The following REG1A variants were observed in gnomAD, a reference collection of about 807,000 sequenced individuals.
REG1A encodes regenerating family member 1 alpha.
A neutral mutation model predicts 20.7 loss-of-function variants in REG1A; 20 were observed. That is an observed-to-expected ratio of 0.97 (90% confidence interval 0.68 to 1.41). REG1A has a LOEUF of 1.41. Ranked by LOEUF, REG1A falls within the 40% of genes most tolerant of loss-of-function variation. The pLI is 0.00. For missense variants in REG1A, 193 were observed against 201.8 expected (o/e 0.96, Z 0.26); for synonymous variants, 90 against 71.6 (o/e 1.26, Z -1.30).
At chr2:79,122,330 T>C in intron 4 of REG1A, 1 of 547,896 alleles carries the variant, frequency 1.8e-6, no homozygotes, top group Non-Finnish European at 3.2e-6. Context: ...TTCTTGTCAT[T>C]CATGAATAAA....
In REG1A at chr2:79,120,781, T is replaced by A. The variant is rs572530340; in HGVS notation, c.-46-35T>A. ...AAGGTAATAGGTGCTTTGCTCTCCA[T>A]CTCTCAGAACCCCCTTCTCTGTGTT... is the stretch of plus-strand genomic sequence containing the variant. On this transcript the variant is annotated intron_variant, in intron 1 of 5. Transcript: ENST00000233735. 6 of 1,148,378 alleles carry A rather than the reference T, an allele frequency of 5.2e-6. No homozygotes were observed. In the South Asian group the frequency reaches 1.1e-4, roughly 20 times the overall value. 71.1% of individuals were successfully genotyped at this position (1,148,378 alleles called of 1,614,324 possible).
intron 1 of REG1A, 69 bp from the exon 2 acceptor site, chr2:79,120,747 G>C: frequency 1.4e-6 from 1 of 696,016 alleles, no homozygotes; most frequent in Non-Finnish European, 2.2e-6. Context: ...CTGAGAGGAG[G>C]TTTTAAGGAA....
In REG1A at chr2:79,122,759, G is replaced by C. The variant is rs1672905996; in HGVS notation, c.322-82G>C. The C allele has an allele frequency of 5.6e-6, 5 of 899,324 alleles. No individual in the cohort carries two copies. In the South Asian group the frequency reaches 6.9e-5, roughly 12 times the overall value. 55.7% of individuals were successfully genotyped at this position (899,324 alleles called of 1,614,324 possible). A position where few individuals can be genotyped will look rare whatever the true frequency, so the allele number is the denominator to read the frequency against. On this transcript the variant is annotated intron_variant, in intron 4 of 5. Coordinates refer to ENST00000233735, the MANE Select transcript of REG1A (RefSeq NM_002909.5). ...TTATTCTTCCTTTGTGTCTTAGCAT[G>C]TTTCTGAGTGTGCACACAGGCCCAG...
At position 79,120,830 on chromosome 2, in the gene REG1A, C is replaced by A; in HGVS notation, c.-32C>A. 1 of 1,567,868 alleles carries A rather than the reference C, an allele frequency of 6.4e-7. No homozygotes were observed. The highest frequency in any genetic ancestry group is 8.7e-7 in the Non-Finnish European group (1 of 1,146,114). On this transcript the variant is annotated 5_prime_UTR_variant, in exon 2 of 6. Transcript: ENST00000233735. ...TTCTCCTATAGAGATTGTTGATTTG[C>A]CTCTTAAGCAAGAGATTCATTGCAG...
rs374600688 is a variant in REG1A, at chr2:79,121,683, G to A, written c.183+3G>A. ...GTGAGACCTGGGTTGATGCAGATGTGAGTGAGGAGAGCAGTGTGGGAAGGG... is the reference window on the plus strand; with the variant it reads ...GTGAGACCTGGGTTGATGCAGATGTAAGTGAGGAGAGCAGTGTGGGAAGGG... On this transcript the variant is annotated splice_donor_region_variant and intron_variant, in intron 3 of 5. Transcript: ENST00000233735. 5.5e-5 allele frequency: 89 copies of A among 1,612,576 alleles called. 1 individual carries two copies. The African/African-American group carries it at 9.7e-4, about 18-fold the overall frequency.
In REG1A at chr2:79,123,324, G is replaced by C. The variant is rs1672916406; in HGVS notation, c.*109G>C. The C allele has an allele frequency of 4.7e-6, 3 of 639,056 alleles. No homozygotes were observed. The highest frequency in any genetic ancestry group is 5.8e-5 in the Admixed American group (2 of 34,692). The allele number at this position is 639,056 out of a possible 1,614,324, so 39.6% of individuals were successfully genotyped here. ...ACTCAACCTGGACACTCTCTTCTCT[G>C]CTGAGTTTGCCTTGTTAATCTTCAA... On this transcript the variant is annotated 3_prime_UTR_variant, in exon 6 of 6. Coordinates refer to ENST00000233735, the MANE Select transcript of REG1A (RefSeq NM_002909.5).
chr2:79,120,858 C>T lies in REG1A; in HGVS notation c.-4C>T. ...CTTAAGCAAGAGATTCATTGCAGCTCAGCATGGCTCAGACCAGCTCATACT... is the reference window on the plus strand; with the variant it reads ...CTTAAGCAAGAGATTCATTGCAGCTTAGCATGGCTCAGACCAGCTCATACT... On this transcript the variant is annotated 5_prime_UTR_variant, in exon 2 of 6. Coordinates refer to ENST00000233735, the MANE Select transcript of REG1A (RefSeq NM_002909.5). 6.2e-7 allele frequency: 1 copy of T among 1,606,166 alleles called. No homozygotes were observed. The highest frequency in any genetic ancestry group is 1.1e-5 in the South Asian group (1 of 90,202).
chr2:79,121,744 G>C (rs1672889270), intron 3 of REG1A, 64 bp downstream of exon 3: 11 of 1,466,782 alleles, frequency 7.5e-6, no homozygotes, highest in East Asian at 4.5e-5. Flanking sequence ...CCACTCTCCA[G>C]TGTGTTCAGT....
Position 79,120,921 on chromosome 2 carries a change from C to G in REG1A, c.60C>G (p.Ser20Arg). ...LISCLMFLSQ[S>R]QGQEAQTELP... The stretch of plus-strand genomic sequence containing the variant: ...CCTGCCTGATGTTTCTGTCTCAGAG[C>G]CAAGGTAAGATCTCTTTTCCACCAA... Residue 20 changes from serine (S) to arginine (R), a missense_variant, in exon 2 of 6, where the codon AGC becomes AGG. Transcript: ENST00000233735. The G allele has an allele frequency of 6.2e-7, 1 of 1,612,288 alleles. No homozygotes were observed. Among genetic ancestry groups the G allele is most frequent in the Non-Finnish European group, 8.5e-7 (1 of 1,179,108 alleles).
At chr2:79,120,986 A>T in intron 2 of REG1A, 61 bp downstream of exon 2, 1 of 1,306,966 alleles carries the variant, frequency 7.7e-7, no homozygotes, top group Non-Finnish European at 1.1e-6. Context: ...TCTATCCCCA[A>T]GCATACGGGT....
rs762239228 is a variant in REG1A, at chr2:79,122,134, C to T, written c.321+9C>T. On this transcript the variant is annotated intron_variant, in intron 4 of 5. Coordinates refer to ENST00000233735, the MANE Select transcript of REG1A (RefSeq NM_002909.5). Reference sequence around the variant, plus strand: ...TCCATGACCCCAAAAAGGTAGGCTGCAGCCTTCTTTATCTCCTAATGATCA... The same window carrying T: ...TCCATGACCCCAAAAAGGTAGGCTGTAGCCTTCTTTATCTCCTAATGATCA... The T allele has an allele frequency of 8.1e-6, 13 of 1,613,430 alleles. No homozygotes were observed. The highest frequency in any genetic ancestry group is 1.7e-4 in the Middle Eastern group (1 of 6,050).
In REG1A at chr2:79,121,866, CA is replaced by C. The variant is rs896576716; in HGVS notation, c.184-121del. 8.4e-6 allele frequency: 12 copies of C among 1,426,156 alleles called. No individual in the cohort carries two copies. In the African/African-American group the frequency reaches 1.7e-4, roughly 20 times the overall value. The allele number at this position is 1,426,156 out of a possible 1,614,324, so 88.3% of individuals were successfully genotyped here. On this transcript the variant is annotated intron_variant, in intron 3 of 5. Coordinates refer to ENST00000233735, the MANE Select transcript of REG1A (RefSeq NM_002909.5). ...TTCCCAGCACAAAGAACCTGGTGGT[CA>C]GTGACAGCATCATCACGGACATTAC...
At chr2:79,122,698 C>A in intron 4 of REG1A, 143 bp from the exon 5 acceptor site, 2 of 658,860 alleles carry the variant, frequency 3.0e-6, no homozygotes, top group Non-Finnish European at 5.4e-6. Flanking sequence ...AAGTTTAGAG[C>A]AATAGCAAAG....
Position 79,122,135 on chromosome 2 carries a change from A to C in REG1A, c.321+10A>C, listed in dbSNP as rs768045378. The C allele has an allele frequency of 3.7e-6, 6 of 1,613,532 alleles. No homozygotes were observed. Among genetic ancestry groups the C allele is most frequent in the Non-Finnish European group, 5.1e-6 (6 of 1,179,724 alleles). ...CCATGACCCCAAAAAGGTAGGCTGC[A>C]GCCTTCTTTATCTCCTAATGATCAG... On this transcript the variant is annotated intron_variant, in intron 4 of 5. Transcript: ENST00000233735.
chr2:79,121,743 A>G, intron 3 of REG1A, 63 bp downstream of exon 3: 1 of 1,474,716 alleles, frequency 6.8e-7, no homozygotes, highest in Non-Finnish European at 9.5e-7. Context: ...GCCACTCTCC[A>G]GTGTGTTCAG....
intron 4 of REG1A, 25 bp downstream of exon 4, chr2:79,122,150 C>T: frequency 6.2e-7 from 1 of 1,612,080 alleles, no homozygotes; most frequent in Non-Finnish European, 8.5e-7. Flanking sequence ...TCTTTATCTC[C>T]TAATGATCAG....
chr2:79,120,874 A>AGCAT lies in REG1A; in HGVS notation c.15_16insATGC (p.Ser6MetfsTer47). 1 of 1,613,184 alleles carries AGCAT rather than the reference A, an allele frequency of 6.2e-7. No homozygotes were observed. Among genetic ancestry groups the AGCAT allele is most frequent in the Non-Finnish European group, 8.5e-7 (1 of 1,179,412 alleles). ...ATTGCAGCTCAGCATGGCTCAGACC[A>AGCAT]GCTCATACTTCATGCTGATCTCCTG... On this transcript the variant is annotated frameshift_variant, in exon 2 of 6. Transcript: ENST00000233735. LOFTEE classifies it high-confidence loss of function.
intron 2 of REG1A, among the ~76,000 whole-genome samples, chr2:79,121,299 A>G (rs1485714751): frequency 1.3e-5 from 2 of 152,216 alleles, no homozygotes; most frequent in Non-Finnish European, 2.9e-5. Flanking sequence ...TAGAAGGCTG[A>G]GTCCTTCAAG....
In REG1A at chr2:79,121,664, C is replaced by T. The variant is rs754940955; in HGVS notation, c.167C>T (p.Thr56Ile). The T allele has an allele frequency of 4.3e-6, 7 of 1,613,976 alleles. No individual in the cohort carries two copies. The highest frequency in any genetic ancestry group is 5.9e-6 in the Non-Finnish European group (7 of 1,179,950). Residue 56 changes from threonine (T) to isoleucine (I), a missense_variant, in exon 3 of 6, where the codon ACC becomes ATC. Coordinates refer to ENST00000233735, the MANE Select transcript of REG1A (RefSeq NM_002909.5). The stretch of plus-strand genomic sequence containing the variant: ...TACTACTTTAATGAAGACCGTGAGA[C>T]CTGGGTTGATGCAGATGTGAGTGAG... ...YCYYFNEDRE[T>I]WVDADLYCQN...
Sources: gnomAD v4.1 joint callset for allele counts (sites outside exome capture counted in the v4.1 genomes callset) on GRCh38, gnomAD v4.1.1 for gene constraint, MANE v1.5 for transcripts, NCBI Gene and HGNC (gene_info 2026-07-23, HGNC 2026-07-21) for gene names.